The following FRMD4A variants were observed in gnomAD, a reference collection of about 807,000 sequenced individuals.
The protein encoded by FRMD4A is FERM domain containing 4A.
In FRMD4A, 29 loss-of-function variants were observed where a neutral mutation model predicts 129.1. The ratio of observed to expected loss-of-function variants is 0.22; its 90% CI spans 0.17 to 0.31. FRMD4A has a LOEUF of 0.31. Among genes scored for constraint, FRMD4A ranks in the 10% least tolerant of loss-of-function variants. The pLI is 1.00. For missense variants in FRMD4A, 1,272 were observed against 1,375.8 expected (o/e 0.92, Z 1.19); for synonymous variants, 634 against 571.6 (o/e 1.11, Z -1.56).
At chr10:14,178,810 T>C (rs945041651) in intron 2 of FRMD4A, among the ~76,000 whole-genome samples, 1 of 152,098 alleles carries the variant, frequency 6.6e-6, no homozygotes, top group African/African-American at 2.4e-5. Flanking sequence ...ATATCAAATA[T>C]GTAGACACTG....
At chr10:13,707,257 GACACACACACACACAT>G in intron 12 of FRMD4A, 144 bp from the exon 13 acceptor site, 1 of 739,202 alleles carries the variant, frequency 1.4e-6, no homozygotes, top group Non-Finnish European at 2.1e-6. Flanking sequence ...CCTCTTGCTT[GACACACACACACACAT>G]ACACACACAC....
chr10:14,280,367 A>G (rs1381025336), intron 2 of FRMD4A, among the ~76,000 whole-genome samples: 1 of 151,972 alleles, frequency 6.6e-6, no homozygotes, highest in Non-Finnish European at 1.5e-5. Context: ...ACTGGCCTAA[A>G]ACTCTTGAGC....
At position 13,884,144 on chromosome 10, in the gene FRMD4A, T is replaced by TCACA. The variant is rs773933481; in HGVS notation, c.46-25233_46-25232insTGTG. Among the ~76,000 whole-genome samples, 29 of 105,096 alleles carry TCACA rather than the reference T, an allele frequency of 2.8e-4. 1 individual carries two copies. The highest frequency in any genetic ancestry group is 1.7e-3 in the East Asian group (6 of 3,534). 68.9% of individuals were successfully genotyped at this position (105,096 alleles called of 152,430 possible). The stretch of plus-strand genomic sequence containing the variant: ...CACTCACACACACGCTCACACACAC[T>TCACA]CTCACACACTCTCACACACACACTC... On this transcript the variant is annotated intron_variant, in intron 2 of 24. Transcript: ENST00000357447.
At chr10:14,051,516 C>A (rs1588873824) in intron 2 of FRMD4A, among the ~76,000 whole-genome samples, 1 of 152,162 alleles carries the variant, frequency 6.6e-6, no homozygotes, top group Non-Finnish European at 1.5e-5. Context: ...TACTCTGTCC[C>A]GTTGGTGCCC....
At chr10:13,709,590 C>G (rs1485597769) in intron 12 of FRMD4A, among the ~76,000 whole-genome samples, 6 of 152,132 alleles carry the variant, frequency 3.9e-5, no homozygotes, top group Non-Finnish European at 4.4e-5. Context: ...GAATTTTTCT[C>G]CCAGTGCCTC....
intron 2 of FRMD4A, among the ~76,000 whole-genome samples, chr10:14,109,867 G>T (rs555137833): frequency 4.6e-5 from 7 of 151,662 alleles, no homozygotes; most frequent in African/African-American, 1.7e-4. Context: ...AGCGACTCAG[G>T]TGGTTGAGGC....
intron 2 of FRMD4A, among the ~76,000 whole-genome samples, chr10:14,118,242 T>G (rs1247068736): frequency 6.6e-6 from 1 of 152,168 alleles, no homozygotes; most frequent in African/African-American, 2.4e-5. Context: ...CAATGTTGCC[T>G]CCACTGCCAG....
intron 6 of FRMD4A, among the ~76,000 whole-genome samples, chr10:13,779,788 C>CAAA (rs33912813): frequency 0.014 from 1,989 of 146,910 alleles, 93 homozygotes; most frequent in South Asian, 0.12. Flanking sequence ...AATTCACTCT[C>CAAA]AAAAAAAAAA....
intron 2 of FRMD4A, among the ~76,000 whole-genome samples, chr10:13,901,893 G>A (rs892368765): frequency 2.6e-5 from 4 of 152,166 alleles, no homozygotes; most frequent in African/African-American, 9.7e-5. Context: ...CCACCCCATA[G>A]AAGTCAGACC....
intron 2 of FRMD4A, among the ~76,000 whole-genome samples, chr10:14,277,088 C>T (rs968505792): frequency 6.6e-5 from 10 of 152,156 alleles, no homozygotes; most frequent in Non-Finnish European, 1.5e-4. Context: ...TGGTCTTGAA[C>T]TCCTGGATTT....
chr10:13,821,572 C>G lies in FRMD4A; in HGVS notation c.112-10664G>C, dbSNP rs1349536607. ...TGCCAACAACACTGCCCACCTGTCCCCGCCTGCAGCTGCTACTTCACATGA... is the reference window on the plus strand; with the variant it reads ...TGCCAACAACACTGCCCACCTGTCCGCGCCTGCAGCTGCTACTTCACATGA... On this transcript the variant is annotated intron_variant, in intron 3 of 24. Coordinates refer to ENST00000357447, the MANE Select transcript of FRMD4A (RefSeq NM_018027.5). This position sits in a 1 kb window ranked among gnomAD's most constrained non-coding sequence, Gnocchi z 4.3. Among the ~76,000 whole-genome samples, 2 of 152,184 alleles carry G rather than the reference C, an allele frequency of 1.3e-5. No individual in the cohort carries two copies. The highest frequency in any genetic ancestry group is 4.8e-5 in the African/African-American group (2 of 41,454).
At chr10:14,027,022 C>G (rs569597268) in intron 2 of FRMD4A, among the ~76,000 whole-genome samples, 45 of 152,228 alleles carry the variant, frequency 3.0e-4, no homozygotes, top group African/African-American at 1.1e-3. Flanking sequence ...ATATTTTGAT[C>G]CAGGCATGCA....
chr10:13,812,687 C>A (rs1053660569), intron 3 of FRMD4A, among the ~76,000 whole-genome samples: 3 of 152,280 alleles, frequency 2.0e-5, no homozygotes, highest in African/African-American at 7.2e-5. Context: ...GTGGCAGCCT[C>A]AGGGCCTAGA....
At chr10:13,793,346 AT>A (rs2130815663) in intron 5 of FRMD4A, among the ~76,000 whole-genome samples, 1 of 151,952 alleles carries the variant, frequency 6.6e-6, no homozygotes, top group African/African-American at 2.4e-5. Flanking sequence ...TAATTTTTGT[AT>A]TTTTAGTAGA....
chr10:14,124,167 G>C (rs554831307), intron 2 of FRMD4A, among the ~76,000 whole-genome samples: 1 of 152,260 alleles, frequency 6.6e-6, no homozygotes, highest in East Asian at 1.9e-4. Context: ...AAGCACAGCA[G>C]TGTGGTCCAA....
chr10:13,656,520 GA>G, intron 22 of FRMD4A, 115 bp downstream of exon 22: 1 of 1,178,474 alleles, frequency 8.5e-7, no homozygotes, highest in Non-Finnish European at 1.1e-6. Flanking sequence ...ATTAATTAAT[GA>G]TTCCCGTTCC....
chr10:13,671,969 G>C (rs188618032), intron 16 of FRMD4A, among the ~76,000 whole-genome samples: 22 of 152,384 alleles, frequency 1.4e-4, no homozygotes, highest in African/African-American at 4.6e-4. Flanking sequence ...TTTTGCGCAG[G>C]GCAGCCCAGG....
At chr10:14,039,403 C>T (rs200347134) in intron 2 of FRMD4A, among the ~76,000 whole-genome samples, 22,938 of 141,264 alleles carry the variant, frequency 0.16, 2,312 homozygotes, top group African/African-American at 0.32. Flanking sequence ...TCCATCCATC[C>T]ATCCATCTAT....
At chr10:13,930,798 A>T (rs2095185654) in intron 2 of FRMD4A, among the ~76,000 whole-genome samples, 2 of 152,148 alleles carry the variant, frequency 1.3e-5, no homozygotes. Context: ...CCTAAATTAT[A>T]CTGTTATTTA....
Sources: gnomAD v4.1 joint callset for allele counts (sites outside exome capture counted in the v4.1 genomes callset) on GRCh38, gnomAD v4.1.1 for gene constraint, Gnocchi (gnomAD v3.1) non-coding constraint, MANE v1.5 for transcripts, NCBI Gene and HGNC (gene_info 2026-07-23, HGNC 2026-07-21) for gene names.